The following CCNT2 variants were observed in gnomAD, a reference collection of about 807,000 sequenced individuals.
The protein encoded by CCNT2 is cyclin T2.
Under a neutral mutation model 70.0 loss-of-function variants are expected in CCNT2, and 18 were observed. The observed-to-expected ratio is 0.26, with a 90% CI of 0.18 to 0.38. The LOEUF is 0.38. Ranked by LOEUF, CCNT2 falls within the 10% of genes least tolerant of loss-of-function variation. CCNT2 has a pLI of 1.00. For synonymous variants in CCNT2, 334 were observed against 313.3 expected, an observed-to-expected ratio of 1.07 and a Z score of -0.70; for missense variants, 734 against 890.2, an observed-to-expected ratio of 0.82 and a Z score of 2.23.
At chr2:134,943,857 A>G in intron 5 of CCNT2, 1 of 984,098 alleles carries the variant, frequency 1.0e-6, no homozygotes, top group Non-Finnish European at 1.2e-6. Context: ...AGTTTCATTC[A>G]TTTACTACCA....
At chr2:134,953,151 A>G (rs1682652804) in intron 8 of CCNT2, 79 bp from the exon 9 acceptor site, 3 of 955,506 alleles carry the variant, frequency 3.1e-6, no homozygotes, top group Admixed American at 5.3e-5. Flanking sequence ...TGTTTTTAAT[A>G]TATAACTTTT....
intron 8 of CCNT2, 79 bp downstream of exon 8, chr2:134,952,790 G>A: frequency 9.6e-7 from 1 of 1,037,576 alleles, no homozygotes; most frequent in South Asian, 1.4e-5. Flanking sequence ...GAATTTTTGT[G>A]GTTAAATAAT....
chr2:134,919,810 C>T lies in CCNT2; in HGVS notation c.159C>T (p.Val53=), dbSNP rs753798562. ...ATATTTCCTAAATATTACGTTCCAG[C>T]TCTCAGCTTACAATAAACACTGCGA... ...LIQEMGQRLN[V]SQLTINTAIV... is the part of the protein sequence containing the mutation. Residue 53 remains valine, a splice_region_variant and synonymous_variant, in exon 2 of 9, where the codon GTC becomes GTT. Transcript: ENST00000264157. 10 of 1,605,188 alleles carry T rather than the reference C, an allele frequency of 6.2e-6. No homozygotes were observed. The highest frequency in any genetic ancestry group is 3.3e-4 in the Middle Eastern group (2 of 6,040).
At chr2:134,948,721 T>C (rs1384629244) in intron 7 of CCNT2, among the ~76,000 whole-genome samples, 1 of 62,202 alleles carries the variant, frequency 1.6e-5, no homozygotes, top group Middle Eastern at 0.026. Flanking sequence ...TAGATAACAC[T>C]TTTTTTTTTT....
At chr2:134,941,022 T>C (rs1163062475) in intron 4 of CCNT2, among the ~76,000 whole-genome samples, 1 of 152,176 alleles carries the variant, frequency 6.6e-6, no homozygotes, top group East Asian at 1.9e-4. Context: ...TTATCTCATA[T>C]TGAAAATGAA....
intron 2 of CCNT2, among the ~76,000 whole-genome samples, chr2:134,931,966 T>C (rs191333738): frequency 6.6e-6 from 1 of 152,230 alleles, no homozygotes; most frequent in African/African-American, 2.4e-5. Context: ...AAATACTAAG[T>C]ATACTTTATA....
chr2:134,923,585 G>C (rs558289804), intron 2 of CCNT2, among the ~76,000 whole-genome samples: 1 of 152,292 alleles, frequency 6.6e-6, no homozygotes, highest in Admixed American at 6.5e-5. Flanking sequence ...CAATGTAGTA[G>C]GTACTAACCT....
chr2:134,918,965 CCAG>C lies in CCNT2; in HGVS notation c.115_117del (p.Gln39del). ...AGGCGGATAAAGAGCTCTCGTGCCG[CCAG>C]CAGGCGGCCAACCTCATCCAGGAGA... On this transcript the variant is annotated inframe_deletion, in exon 1 of 9. Coordinates refer to ENST00000264157, the MANE Select transcript of CCNT2 (RefSeq NM_058241.3). 1 of 1,613,768 alleles carries C rather than the reference CCAG, an allele frequency of 6.2e-7. No homozygotes were observed. Among genetic ancestry groups the C allele is most frequent in the Non-Finnish European group, 8.5e-7 (1 of 1,179,924 alleles).
rs191792187 is a variant in CCNT2 at position 134,943,427 on chromosome 2, G to A, written c.493+753G>A. On this transcript the variant is annotated intron_variant, in intron 5 of 8. Transcript: ENST00000264157. ...AAAAAAAAAAGTTATTTTTGTGGGG[G>A]GAGTGTTTTGCCCATATTCATTTGG... The A allele has an allele frequency of 2.7e-3, 2,652 of 984,932 alleles. 4 individuals carry two copies. The highest frequency in any genetic ancestry group is 9.4e-3 in the South Asian group (200 of 21,266). The allele number at this position is 984,932 out of a possible 1,614,324, so 61.0% of individuals were successfully genotyped here. A position where few individuals can be genotyped will look rare whatever the true frequency, so the allele number is the denominator to read the frequency against.
intron 5 of CCNT2, chr2:134,945,232 A>G: frequency 1.0e-6 from 1 of 985,422 alleles, no homozygotes; most frequent in Non-Finnish European, 1.2e-6. Context: ...GGAGGGGGAA[A>G]GAAATTTGAG....
intron 2 of CCNT2, among the ~76,000 whole-genome samples, chr2:134,933,650 C>T (rs1318560339): frequency 6.6e-6 from 1 of 152,138 alleles, no homozygotes; most frequent in Non-Finnish European, 1.5e-5. Flanking sequence ...TAGACTGCAG[C>T]AGGACCCTCC....
In CCNT2 at chr2:134,954,222, CA is replaced by C; in HGVS notation, c.1768del (p.Ser590ValfsTer10). 2.5e-6 allele frequency: 4 copies of C among 1,614,138 alleles called. No homozygotes were observed. The highest frequency in any genetic ancestry group is 1.7e-6 in the Non-Finnish European group (2 of 1,180,020). ...SGSSSGGSKH[S>X]ADGIPPTVLR... ...GCAGCAGCAGCGGTGGCAGTAAACACAGTGCCGACGGAATACCACCCACTGT... is the reference window on the plus strand; with the variant it reads ...GCAGCAGCAGCGGTGGCAGTAAACACGTGCCGACGGAATACCACCCACTGT... On this transcript the variant is annotated frameshift_variant, in exon 9 of 9. Transcript: ENST00000264157. LOFTEE classifies it high-confidence loss of function.
intron 4 of CCNT2, among the ~76,000 whole-genome samples, chr2:134,939,497 G>A (rs752076665): frequency 6.6e-5 from 10 of 151,562 alleles, no homozygotes; most frequent in Admixed American, 1.3e-4. Flanking sequence ...ACGGAGTCTC[G>A]CTCTGTCGCC....
chr2:134,944,274 T>G (rs1681790268), intron 5 of CCNT2: 1 of 983,454 alleles, frequency 1.0e-6, no homozygotes, highest in Admixed American at 6.2e-5. Flanking sequence ...TGAAAAAGGT[T>G]AAGCTAAACT....
At chr2:134,948,893 T>C (rs1430197344) in intron 7 of CCNT2, among the ~76,000 whole-genome samples, 1 of 151,618 alleles carries the variant, frequency 6.6e-6, no homozygotes, top group Non-Finnish European at 1.5e-5. Flanking sequence ...TTTTGTGTTT[T>C]TAGTAGAGAT....
intron 2 of CCNT2, 140 bp downstream of exon 2, chr2:134,920,031 C>A: frequency 1.8e-6 from 1 of 556,868 alleles, no homozygotes; most frequent in Non-Finnish European, 3.2e-6. Flanking sequence ...TATTTTGCTT[C>A]AGATGCGGTG....
At chr2:134,928,273 T>C (rs1680444263) in intron 2 of CCNT2, among the ~76,000 whole-genome samples, 2 of 125,858 alleles carry the variant, frequency 1.6e-5, no homozygotes, top group Non-Finnish European at 3.3e-5. Context: ...ACATTGTATT[T>C]CTTTTTTTTT....
intron 1 of CCNT2, among the ~76,000 whole-genome samples, chr2:134,919,392 C>G (rs1248839258): frequency 6.6e-6 from 1 of 152,180 alleles, no homozygotes; most frequent in Non-Finnish European, 1.5e-5. Context: ...TGCTGAAAGG[C>G]CTAAGTGTTT....
intron 7 of CCNT2, among the ~76,000 whole-genome samples, chr2:134,950,759 A>G (rs1682437038): frequency 6.6e-6 from 1 of 152,244 alleles, no homozygotes; most frequent in South Asian, 2.1e-4. Flanking sequence ...TGGCTTAGAC[A>G]GTAGCTTTGA....
Sources: gnomAD v4.1 joint callset for allele counts (sites outside exome capture counted in the v4.1 genomes callset) on GRCh38, gnomAD v4.1.1 for gene constraint, MANE v1.5 for transcripts, NCBI Gene and HGNC (gene_info 2026-07-23, HGNC 2026-07-21) for gene names.